The following NALF1 variants were observed in gnomAD, a reference collection of about 807,000 sequenced individuals.
The protein encoded by NALF1 is NALCN channel auxiliary factor 1, also known as family with sequence similarity 155 member A.
Under a neutral mutation model 48.4 loss-of-function variants are expected in NALF1, and 3 were observed. The ratio of observed to expected loss-of-function variants is 0.06; its 90% confidence interval spans 0.03 to 0.16. NALF1 has a LOEUF of 0.16. NALF1 is among the 10% of genes least tolerant of loss of function. The probability of loss-of-function intolerance (pLI) is 1.00; values close to 1 mark genes in which losing one functional copy is unlikely to be tolerated. For synonymous variants in NALF1, 262 were observed against 245.7 expected (o/e 1.07, Z -0.62); for missense variants, 526 against 571.5 (o/e 0.92, Z 0.81).
At position 107,320,218 on chromosome 13, in the gene NALF1, C is replaced by A. The variant is rs981115987; in HGVS notation, c.916-109463G>T. Among the ~76,000 whole-genome samples, 22 of 151,950 alleles carry A rather than the reference C, an allele frequency of 1.4e-4. 1 individual carries two copies. The highest frequency in any genetic ancestry group is 2.6e-4 in the Admixed American group (4 of 15,208). On this transcript the variant is annotated intron_variant, in intron 1 of 2. Transcript: ENST00000375915. ...ATTGACTGGCAGTAAGAAAATATGGCCATTTTCATCCTTTAAAATAAATCT... is the reference window on the plus strand; with the variant it reads ...ATTGACTGGCAGTAAGAAAATATGGACATTTTCATCCTTTAAAATAAATCT...
intron 1 of NALF1, among the ~76,000 whole-genome samples, chr13:107,861,654 C>G (rs765253617): frequency 2.6e-5 from 4 of 152,010 alleles, no homozygotes; most frequent in Admixed American, 2.0e-4. Context: ...CGTGGTGGCG[C>G]GCACCTGTAG....
intron 1 of NALF1, among the ~76,000 whole-genome samples, chr13:107,776,996 G>C (rs9520580): frequency 0.081 from 12,346 of 152,112 alleles, 634 homozygotes; most frequent in East Asian, 0.17. Context: ...GGAGACTGAG[G>C]GGGGGAAGAT....
intron 1 of NALF1, among the ~76,000 whole-genome samples, chr13:107,424,452 T>C (rs1884244959): frequency 6.6e-6 from 1 of 152,182 alleles, no homozygotes; most frequent in South Asian, 2.1e-4. Flanking sequence ...ATATTCCTTA[T>C]AATCAATGTA....
intron 1 of NALF1, among the ~76,000 whole-genome samples, chr13:107,624,659 T>C (rs77595606): frequency 6.6e-6 from 1 of 152,300 alleles, no homozygotes; most frequent in East Asian, 1.9e-4. Flanking sequence ...TGTGAAACTT[T>C]TGAATAGTAA....
chr13:107,195,609 T>G (rs1879372801), intron 2 of NALF1, among the ~76,000 whole-genome samples: 1 of 152,228 alleles, frequency 6.6e-6, no homozygotes, highest in Non-Finnish European at 1.5e-5. Context: ...ATCTGTTTAA[T>G]TTGCCTACTT....
In NALF1 at chr13:107,865,832, G is replaced by A; in HGVS notation, c.765C>T (p.Gly255=). 2 of 1,614,048 alleles carry A rather than the reference G, an allele frequency of 1.2e-6. No individual in the cohort carries two copies. The highest frequency in any genetic ancestry group is 1.7e-6 in the Non-Finnish European group (2 of 1,179,992). The change falls in exon 1 of 3, where the codon GGC becomes GGT. Residue 255 remains glycine (G), a synonymous_variant. Transcript: ENST00000375915. ...ACTGCCTGCAAGTGGTCATCTCGCC[G>A]CCTTCCTTGAGCACCACATCCAGAC... ...NCSLDVVLKE[G]GEMTTCRQCV...
intron 1 of NALF1, among the ~76,000 whole-genome samples, chr13:107,350,637 T>C (rs1882856319): frequency 1.3e-5 from 2 of 152,264 alleles, no homozygotes; most frequent in Non-Finnish European, 2.9e-5. Flanking sequence ...CTTACATATG[T>C]CTTCATTGAG....
At chr13:107,318,949 G>C (rs1215585792) in intron 1 of NALF1, among the ~76,000 whole-genome samples, 1 of 152,082 alleles carries the variant, frequency 6.6e-6, no homozygotes, top group African/African-American at 2.4e-5. Flanking sequence ...AAGTGAATTT[G>C]TTTTTCCAAG....
chr13:107,313,903 G>T (rs1264729531), intron 1 of NALF1, among the ~76,000 whole-genome samples: 1 of 152,046 alleles, frequency 6.6e-6, no homozygotes, highest in Non-Finnish European at 1.5e-5. Flanking sequence ...TCCCTAAAAT[G>T]TATAAAACCA....
Position 107,865,878 on chromosome 13 carries a change from C to G in NALF1, c.719G>C (p.Ser240Thr). 9 of 1,614,116 alleles carry G rather than the reference C, an allele frequency of 5.6e-6. No individual in the cohort carries two copies. Among genetic ancestry groups the G allele is most frequent in the Non-Finnish European group, 6.8e-6 (8 of 1,180,030 alleles). The change falls in exon 1 of 3, where the codon AGT becomes ACT. Residue 240 changes from serine to threonine, a missense_variant. By Grantham distance (58) the Ser-to-Thr change is moderately conservative. Transcript: ENST00000375915. ...CAGACTGCAGTTCAAAGTGTTGGGA[C>G]TGGACAACCCCGAGAACAACTCCCA... The part of the protein sequence containing the change: ...TLWELFSGLS[S>T]PNTLNCSLDV...
chr13:107,424,702 T>C (rs1884249809), intron 1 of NALF1, among the ~76,000 whole-genome samples: 1 of 152,146 alleles, frequency 6.6e-6, no homozygotes, highest in African/African-American at 2.4e-5. Context: ...CTGGCTAACT[T>C]CAAACCAAAA....
chr13:107,318,618 G>T (rs1882195675), intron 1 of NALF1, among the ~76,000 whole-genome samples: 1 of 152,040 alleles, frequency 6.6e-6, no homozygotes, highest in Admixed American at 6.6e-5. Flanking sequence ...AGAAACTGGG[G>T]CTGCCTCTTG....
intron 1 of NALF1, among the ~76,000 whole-genome samples, chr13:107,317,654 TA>T (rs1882176231): frequency 6.6e-6 from 1 of 152,042 alleles, no homozygotes; most frequent in Non-Finnish European, 1.5e-5. Context: ...GAGCATATAC[TA>T]GACTATTATA....
intron 1 of NALF1, among the ~76,000 whole-genome samples, chr13:107,819,839 A>G (rs1047061392): frequency 6.6e-6 from 1 of 151,410 alleles, no homozygotes; most frequent in African/African-American, 2.4e-5. Flanking sequence ...CTCATATTTT[A>G]TAATCTGTAC....
chr13:107,714,650 ATTG>A (rs1875699717), intron 1 of NALF1, among the ~76,000 whole-genome samples: 1 of 146,132 alleles, frequency 6.8e-6, no homozygotes. Flanking sequence ...GAAAGATAAA[ATTG>A]GGAAACTTTT....
chr13:107,725,531 G>A (rs1012565776), intron 1 of NALF1, among the ~76,000 whole-genome samples: 7 of 152,110 alleles, frequency 4.6e-5, no homozygotes, highest in African/African-American at 7.2e-5. Flanking sequence ...AAAATATAGT[G>A]AAACCCTGTT....
chr13:107,283,030 T>G (rs1374038010), intron 1 of NALF1, among the ~76,000 whole-genome samples: 2 of 152,188 alleles, frequency 1.3e-5, no homozygotes, highest in Admixed American at 1.3e-4. Context: ...ACTTCCAATT[T>G]TAGACGGAAA....
In NALF1 at chr13:107,244,759, A is replaced by G. The variant is rs558972444; in HGVS notation, c.916-34004T>C. Among the ~76,000 whole-genome samples the G allele has an allele frequency of 4.1e-4, 63 of 152,326 alleles. No individual in the cohort carries two copies. The South Asian group carries it at 0.012, about 30-fold the overall frequency. On this transcript the variant is annotated intron_variant, in intron 1 of 2. Coordinates refer to ENST00000375915, the MANE Select transcript of NALF1 (RefSeq NM_001080396.3). ...GTCTATGGTTGGTATATGAGAAACC[A>G]TTTTACACATTGTAAAACTATTTCC...
chr13:107,346,123 T>C (rs1045504099), intron 1 of NALF1, among the ~76,000 whole-genome samples: 9 of 151,352 alleles, frequency 5.9e-5, no homozygotes, highest in African/African-American at 1.9e-4. Context: ...TAACACACAT[T>C]GGTGCATATG....
Sources: gnomAD v4.1 joint callset for allele counts (sites outside exome capture counted in the v4.1 genomes callset) on GRCh38, gnomAD v4.1.1 for gene constraint, MANE v1.5 for transcripts, NCBI Gene and HGNC (gene_info 2026-07-23, HGNC 2026-07-21) for gene names.